Variants in TEX9 observed in about 807,000 individuals in gnomAD.
TEX9 encodes testis-expressed protein 9.
TEX9 carries 74 observed loss-of-function variants against 59.6 expected under a neutral mutation model. The observed-to-expected ratio is 1.24, with a 90% CI of 1.03 to 1.51. TEX9 has a LOEUF of 1.51. Ranked by LOEUF, TEX9 falls within the 40% of genes most tolerant of loss-of-function variation. The pLI, the probability that TEX9 is intolerant of heterozygous loss-of-function variation, is 0.00. For synonymous variants in TEX9, 186 were observed against 152.2 expected (o/e 1.22, Z -1.64); for missense variants, 522 against 447.8 (o/e 1.17, Z -1.49).
downstream of TEX9, among the ~76,000 whole-genome samples, chr15:56,450,375 C>A (rs1447532573): frequency 6.6e-6 from 1 of 152,048 alleles, no homozygotes; most frequent in Non-Finnish European, 1.5e-5. Context: ...CTTTTTCATT[C>A]CCCCCAAAGA....
intron 9 of TEX9, among the ~76,000 whole-genome samples, chr15:56,405,975 AACAT>A (rs2140089026): frequency 6.6e-6 from 1 of 152,326 alleles, no homozygotes; most frequent in East Asian, 1.9e-4. Context: ...AATACAATAA[AACAT>A]ACTTGTTTTT....
chr15:56,285,538 C>T (rs1329430857), intron 1 of TEX9, among the ~76,000 whole-genome samples: 6 of 152,200 alleles, frequency 3.9e-5, no homozygotes, highest in African/African-American at 1.4e-4. Context: ...TCAAGTTTTA[C>T]AGGAATGACA....
chr15:56,348,744 G>A (rs904714966), intron 1 of TEX9, among the ~76,000 whole-genome samples: 4 of 151,948 alleles, frequency 2.6e-5, no homozygotes, highest in African/African-American at 9.7e-5. Flanking sequence ...ATACTGCTTG[G>A]TGTTCACTTA....
intron 3 of TEX9, among the ~76,000 whole-genome samples, chr15:56,380,392 T>C (rs1399613608): frequency 6.6e-6 from 1 of 152,186 alleles, no homozygotes. Context: ...AAAAAGTTGT[T>C]GTAGTTATTA....
At chr15:56,254,585 A>C (rs1443398321) in intron 1 of TEX9, among the ~76,000 whole-genome samples, 2 of 151,542 alleles carry the variant, frequency 1.3e-5, no homozygotes, top group Non-Finnish European at 2.9e-5. Context: ...GACCCACATC[A>C]AGCAGAAGGA....
intron 9 of TEX9, among the ~76,000 whole-genome samples, chr15:56,412,097 A>G (rs552816677): frequency 6.6e-6 from 1 of 152,238 alleles, no homozygotes; most frequent in East Asian, 1.9e-4. Flanking sequence ...TTTTTAGGAT[A>G]TATTTCTCTA....
At chr15:56,255,188 T>C (rs2044116871) in intron 1 of TEX9, among the ~76,000 whole-genome samples, 1 of 152,148 alleles carries the variant, frequency 6.6e-6, no homozygotes. Flanking sequence ...GCTCTGCTGT[T>C]GTAGTGTGAA....
intron 1 of TEX9, among the ~76,000 whole-genome samples, chr15:56,246,439 C>T (rs1455164545): frequency 2.6e-5 from 4 of 152,152 alleles, no homozygotes; most frequent in African/African-American, 9.7e-5. Context: ...TTGTTCCAGT[C>T]TTCAGAGAAG....
intron 10 of TEX9, among the ~76,000 whole-genome samples, chr15:56,416,961 C>T (rs2140188646): frequency 6.6e-6 from 1 of 151,800 alleles, no homozygotes; most frequent in East Asian, 1.9e-4. Context: ...AGGAATTTGT[C>T]CATCTCTTCT....
intron 1 of TEX9, among the ~76,000 whole-genome samples, chr15:56,296,260 CT>C (rs2045216593): frequency 1.3e-5 from 2 of 152,172 alleles, no homozygotes. Context: ...ATGTATGCTT[CT>C]TTTAAAATCT....
chr15:56,457,397 A>G, the TEX9 span, among the ~76,000 whole-genome samples: 1 of 152,224 alleles, frequency 6.6e-6, no homozygotes. Flanking sequence ...ATTACTACGT[A>G]CCTATTGGAA....
chr15:56,281,285 T>C (rs1276120429), intron 1 of TEX9, among the ~76,000 whole-genome samples: 3 of 152,222 alleles, frequency 2.0e-5, no homozygotes, highest in African/African-American at 7.2e-5. Context: ...ATAGTTTAAG[T>C]CAGGGGTCCC....
At chr15:56,311,242 A>C (rs2045605997) in intron 1 of TEX9, among the ~76,000 whole-genome samples, 1 of 136,314 alleles carries the variant, frequency 7.3e-6, no homozygotes, top group Non-Finnish European at 1.6e-5. Flanking sequence ...CGCTGCACCC[A>C]CTAACTCGTC....
At chr15:56,354,793 G>A (rs1050105603) in intron 1 of TEX9, among the ~76,000 whole-genome samples, 1 of 152,148 alleles carries the variant, frequency 6.6e-6, no homozygotes, top group African/African-American at 2.4e-5. Flanking sequence ...ATAGAAAATA[G>A]TGGTGCACTT....
intron 10 of TEX9, among the ~76,000 whole-genome samples, chr15:56,413,455 G>A (rs982587634): frequency 6.6e-6 from 1 of 150,982 alleles, no homozygotes; most frequent in African/African-American, 2.4e-5. Flanking sequence ...ATATAGTTCA[G>A]TAGTGTAACA....
intron 11 of TEX9, 122 bp downstream of exon 11, chr15:56,427,861 A>G (rs530655487): frequency 2.6e-5 from 18 of 695,878 alleles, no homozygotes; most frequent in African/African-American, 2.4e-4. Flanking sequence ...TATAAAATGC[A>G]TCATACATAT....
At chr15:56,346,351 C>G (rs1342085540) in intron 1 of TEX9, among the ~76,000 whole-genome samples, 1 of 152,130 alleles carries the variant, frequency 6.6e-6, no homozygotes, top group Non-Finnish European at 1.5e-5. Flanking sequence ...TGTGTCTGAG[C>G]TAAGATGGGT....
downstream of TEX9, chr15:56,447,414 G>A (rs2050914176): frequency 1.3e-5 from 2 of 152,536 alleles, no homozygotes; most frequent in Admixed American, 1.3e-4. Context: ...ACATTACTGA[G>A]TCTTCAATAA....
At chr15:56,269,155 G>A (rs1457138822) in intron 1 of TEX9, among the ~76,000 whole-genome samples, 5 of 152,080 alleles carry the variant, frequency 3.3e-5, no homozygotes, top group East Asian at 1.9e-4. Flanking sequence ...TATTCCTGTC[G>A]GATCCGTGGT....
Sources: gnomAD v4.1 joint callset for allele counts (sites outside exome capture counted in the v4.1 genomes callset) on GRCh38, gnomAD v4.1.1 for gene constraint, MANE v1.5 for transcripts, NCBI Gene and HGNC (gene_info 2026-07-23, HGNC 2026-07-21) for gene names.